PARP8: variants seen among roughly 807,000 people sequenced by gnomAD.
PARP8 encodes the protein protein mono-ADP-ribosyltransferase PARP8.
Under a neutral mutation model 124.1 loss-of-function variants are expected in PARP8, and 51 were observed. That is an observed-to-expected ratio of 0.41 (90% CI 0.33 to 0.52). PARP8 has a LOEUF of 0.52. Among genes scored for constraint, PARP8 ranks in the 20% least tolerant of loss-of-function variants. The pLI is 0.21. For missense variants in PARP8, 860 were observed against 1,018.9 expected (o/e 0.84, Z 2.12); for synonymous variants, 391 against 361.5 (o/e 1.08, Z -0.93).
At chr5:50,810,699 T>C (rs1744340527) in intron 14 of PARP8, among the ~76,000 whole-genome samples, 1 of 151,970 alleles carries the variant, frequency 6.6e-6, no homozygotes, top group Non-Finnish European at 1.5e-5. Context: ...AAAGTGTGAA[T>C]AAACAAGGAA....
At chr5:50,733,249 G>A (rs1390443152) in intron 2 of PARP8, among the ~76,000 whole-genome samples, 4 of 151,544 alleles carry the variant, frequency 2.6e-5, no homozygotes, top group South Asian at 2.1e-4. Context: ...AGCCGAGATC[G>A]CGCCACACCG....
At chr5:50,797,466 T>A (rs114659603) in intron 14 of PARP8, among the ~76,000 whole-genome samples, 1 of 152,318 alleles carries the variant, frequency 6.6e-6, no homozygotes, top group Non-Finnish European at 1.5e-5. Context: ...TATGTTTATC[T>A]AACAGCTATT....
At chr5:50,756,400 G>A (rs886925212) in intron 3 of PARP8, among the ~76,000 whole-genome samples, 2 of 151,774 alleles carry the variant, frequency 1.3e-5, no homozygotes, top group Non-Finnish European at 2.9e-5. Context: ...CCCTTTTTAC[G>A]CTCCACATTC....
At chr5:50,762,852 G>T (rs1387779774) in intron 6 of PARP8, among the ~76,000 whole-genome samples, 2 of 152,156 alleles carry the variant, frequency 1.3e-5, no homozygotes, top group Non-Finnish European at 2.9e-5. Flanking sequence ...GGAAGTAACT[G>T]CTTTTCTTCA....
intron 2 of PARP8, chr5:50,739,185 C>T: frequency 1.6e-6 from 1 of 644,958 alleles, no homozygotes; most frequent in East Asian, 2.7e-5. Flanking sequence ...AACTCCTTTC[C>T]TTCCATTGCA....
intron 3 of PARP8, among the ~76,000 whole-genome samples, chr5:50,754,903 G>T (rs569239075): frequency 9.9e-5 from 15 of 152,256 alleles, no homozygotes; most frequent in Admixed American, 6.5e-4. Flanking sequence ...GTATCTCATT[G>T]TGGTTTTGAT....
rs1379583577 is a variant in PARP8 at position 50,778,109 on chromosome 5, A to G, written c.559A>G (p.Ile187Val). The change falls in exon 8 of 26, where the codon ATC becomes GTC. Residue 187 changes from isoleucine (I) to valine (V), a missense_variant. By Grantham distance (29) the Ile-to-Val change is conservative (BLOSUM62 3). Coordinates refer to ENST00000281631, the MANE Select transcript of PARP8 (RefSeq NM_024615.4). ...AIDDVDIDLHIDVSFLDEEIA... is the reference protein window; with the variant it reads ...AIDDVDIDLHVDVSFLDEEIA... ...TGATGATGTAGATATTGATCTGCAT[A>G]TCGATGTTAGCTTTCTTGATGTAAG... 1 of 1,608,316 alleles carries G rather than the reference A, an allele frequency of 6.2e-7. No individual in the cohort carries two copies. Among genetic ancestry groups the G allele is most frequent in the South Asian group, 1.1e-5 (1 of 89,440 alleles).
rs544234344 is a variant in PARP8, at chr5:50,829,391, G to A, written c.2164-501G>A. ...CAATTCATACTAATAGTGTGTGAGGGCCCAGAACACAGAGATAATAAGAAA... is the reference window on the plus strand; with the variant it reads ...CAATTCATACTAATAGTGTGTGAGGACCCAGAACACAGAGATAATAAGAAA... On this transcript the variant is annotated intron_variant, in intron 21 of 25. Transcript: ENST00000281631. 6.6e-5 allele frequency among the ~76,000 whole-genome samples: 10 copies of A among 152,190 alleles called. No homozygotes were observed. The South Asian group carries it at 1.9e-3, about 28-fold the overall frequency.
At chr5:50,754,443 T>C (rs1328656776) in intron 3 of PARP8, among the ~76,000 whole-genome samples, 8 of 152,032 alleles carry the variant, frequency 5.3e-5, no homozygotes, top group Non-Finnish European at 8.8e-5. Flanking sequence ...GTTTGGTTTT[T>C]TGTCCTTGCG....
intron 2 of PARP8, among the ~76,000 whole-genome samples, chr5:50,736,792 G>C (rs536443833): frequency 8.0e-4 from 122 of 152,018 alleles, no homozygotes; most frequent in Non-Finnish European, 1.5e-3. Context: ...TCTCTCCTGT[G>C]ATCATAAATA....
At position 50,699,155 on chromosome 5, in the gene PARP8, C is replaced by G. The variant is rs115849866; in HGVS notation, c.146+31030C>G. On this transcript the variant is annotated intron_variant, in intron 2 of 25. Coordinates refer to ENST00000281631, the MANE Select transcript of PARP8 (RefSeq NM_024615.4). ...TAAGTGGGGTCCTGTCTCTCTCACT[C>G]TCCACCGACTGTACCTTTACTATAA... is the stretch of plus-strand genomic sequence containing the variant. Among the ~76,000 whole-genome samples, 459 of 152,240 alleles carry G rather than the reference C, an allele frequency of 3.0e-3. 3 individuals are homozygous for G. Among genetic ancestry groups the G allele is most frequent in the Middle Eastern group, 0.01 (3 of 294 alleles).
At chr5:50,705,335 G>T (rs1428912190) in intron 2 of PARP8, among the ~76,000 whole-genome samples, 1 of 152,108 alleles carries the variant, frequency 6.6e-6, no homozygotes, top group African/African-American at 2.4e-5. Flanking sequence ...AAGAAATAGG[G>T]ATAGAAGTAT....
At chr5:50,757,935 C>T (rs553102430) in intron 3 of PARP8, among the ~76,000 whole-genome samples, 20 of 152,048 alleles carry the variant, frequency 1.3e-4, no homozygotes, top group Non-Finnish European at 2.2e-4. Flanking sequence ...TCTAATGGTG[C>T]CTTCTAATAC....
chr5:50,817,938 C>A (rs1745284378), intron 15 of PARP8, among the ~76,000 whole-genome samples: 2 of 152,080 alleles, frequency 1.3e-5, no homozygotes, highest in Admixed American at 1.3e-4. Context: ...AATTCACAGA[C>A]CTTTTTATCT....
rs148919621 is a variant in PARP8, at chr5:50,675,481, A to G, written c.146+7356A>G. Among the ~76,000 whole-genome samples the G allele has an allele frequency of 4.9e-3, 753 of 152,130 alleles. 6 individuals are homozygous for G. The highest frequency in any genetic ancestry group is 0.017 in the African/African-American group (726 of 41,500). ...CACCACGGCCGGCTAATTTTTTTGT[A>G]TTCTTAGTCGAGACGGGAATTCACC... On this transcript the variant is annotated intron_variant, in intron 2 of 25. Transcript: ENST00000281631.
chr5:50,821,418 T>C, intron 16 of PARP8, 80 bp downstream of exon 16: 1 of 1,448,588 alleles, frequency 6.9e-7, no homozygotes, highest in East Asian at 2.3e-5. Flanking sequence ...TCTCATTAGG[T>C]TTCCTCTTTC....
At chr5:50,788,374 TA>T in intron 9 of PARP8, 148 bp from the exon 10 acceptor site, 1 of 564,372 alleles carries the variant, frequency 1.8e-6, no homozygotes, top group Non-Finnish European at 3.2e-6. Flanking sequence ...GCATATAGCA[TA>T]AATAGCATTG....
At chr5:50,740,845 A>C (rs1165407847) in intron 2 of PARP8, among the ~76,000 whole-genome samples, 2 of 151,880 alleles carry the variant, frequency 1.3e-5, no homozygotes, top group African/African-American at 4.8e-5. Context: ...TATATATTTG[A>C]TATTCCACAA....
rs148247506 is a variant in PARP8, at chr5:50,739,458, G to A, written c.147-10693G>A. ...ATCATCTCCTCTCGCTACATCAGCTGCATTCTTCCATATTTCATCTTCCTT... is the reference window on the plus strand; with the variant it reads ...ATCATCTCCTCTCGCTACATCAGCTACATTCTTCCATATTTCATCTTCCTT... On this transcript the variant is annotated intron_variant, in intron 2 of 25. Coordinates refer to ENST00000281631, the MANE Select transcript of PARP8 (RefSeq NM_024615.4). Among the ~76,000 whole-genome samples the A allele has an allele frequency of 1.3e-4, 20 of 152,000 alleles. No individual in the cohort carries two copies. The East Asian group carries it at 3.3e-3, about 25-fold the overall frequency.
Sources: gnomAD v4.1 joint callset for allele counts (sites outside exome capture counted in the v4.1 genomes callset) on GRCh38, gnomAD v4.1.1 for gene constraint, MANE v1.5 for transcripts, NCBI Gene and HGNC (gene_info 2026-07-23, HGNC 2026-07-21) for gene names.